LAMA2: variants seen among roughly 807,000 people sequenced by gnomAD.
LAMA2 encodes laminin subunit alpha-2.
Under a neutral mutation model 364.8 loss-of-function variants are expected in LAMA2, and 269 were observed. The observed-to-expected ratio is 0.74, with a 90% confidence interval of 0.67 to 0.82. LAMA2 has a LOEUF of 0.82. Among genes scored for constraint, LAMA2 ranks in the 40% least tolerant of loss-of-function variants. The probability of loss-of-function intolerance (pLI) is 0.00; values close to 1 mark genes in which losing one functional copy is unlikely to be tolerated. For synonymous variants in LAMA2, 1,379 were observed against 1,370.6 expected (o/e 1.01, Z -0.14); for missense variants, 3,807 against 3,873.2 (o/e 0.98, Z 0.45).
intron 11 of LAMA2, 100 bp downstream of exon 11, chr6:129,190,445 T>A: frequency 8.5e-7 from 1 of 1,170,238 alleles, no homozygotes; most frequent in South Asian, 1.3e-5. Context: ...AGTGAACTTC[T>A]ACATAAAGTT....
intron 31 of LAMA2, among the ~76,000 whole-genome samples, chr6:129,350,067 A>T (rs1776772652): frequency 6.6e-6 from 1 of 152,220 alleles, no homozygotes. Context: ...AAAAGTTGCA[A>T]TTAATATCTT....
chr6:129,366,255 A>C lies in LAMA2; in HGVS notation c.4754A>C (p.Asp1585Ala). The C allele has an allele frequency of 6.2e-7, 1 of 1,613,748 alleles. No homozygotes were observed. The highest frequency in any genetic ancestry group is 8.5e-7 in the Non-Finnish European group (1 of 1,179,908). ...GDECTGLLLG[D>A]LARLEQMVMS... ...GAGTGCACTGGCCTTCTTCTCGGTG[A>C]CTTGGCTCGCCTGGAGCAGATGGTC... Residue 1585 changes from aspartate to alanine, a missense_variant, in exon 33 of 65, where the codon GAC becomes GCC. Asp to Ala is a moderately radical substitution (Grantham distance 126, BLOSUM62 -2). Transcript: ENST00000421865.
intron 9 of LAMA2, among the ~76,000 whole-genome samples, chr6:129,173,086 G>A (rs896890068): frequency 1.5e-4 from 23 of 152,318 alleles, no homozygotes; most frequent in African/African-American, 5.5e-4. Flanking sequence ...ATTCCCTAGT[G>A]AGATGAACCC....
chr6:129,457,143 A>G (rs1241362688), intron 48 of LAMA2, among the ~76,000 whole-genome samples: 2 of 152,108 alleles, frequency 1.3e-5, no homozygotes, highest in Non-Finnish European at 2.9e-5. Context: ...GCTTGTCAGA[A>G]TCATCCTGAG....
intron 41 of LAMA2, among the ~76,000 whole-genome samples, chr6:129,436,123 CAG>C (rs1781820077): frequency 1.3e-5 from 2 of 152,144 alleles, no homozygotes; most frequent in African/African-American, 4.8e-5. Context: ...CATTGAAAAA[CAG>C]AAATATATGC....
intron 1 of LAMA2, among the ~76,000 whole-genome samples, chr6:128,968,390 T>C (rs1046178151): frequency 2.0e-5 from 3 of 152,168 alleles, no homozygotes; most frequent in African/African-American, 4.8e-5. Context: ...CCCATTCTTA[T>C]GATGTTTTTA....
intron 6 of LAMA2, among the ~76,000 whole-genome samples, chr6:129,147,430 A>G (rs961161976): frequency 2.0e-5 from 3 of 151,890 alleles, no homozygotes; most frequent in Admixed American, 1.3e-4. Context: ...TGAGTAAAAA[A>G]ATGTGCAGGG....
At chr6:129,265,263 G>A (rs1787426595) in intron 15 of LAMA2, among the ~76,000 whole-genome samples, 3 of 152,136 alleles carry the variant, frequency 2.0e-5, no homozygotes, top group African/African-American at 7.2e-5. Flanking sequence ...TGCAAAGGCA[G>A]CTTTAATTTT....
intron 1 of LAMA2, among the ~76,000 whole-genome samples, chr6:128,961,362 TATATATTAG>T: frequency 1.1e-5 from 1 of 94,090 alleles, no homozygotes; most frequent in African/African-American, 4.1e-5. Context: ...TATATATATA[TATATATTAG>T]TTTATTAAGT....
intron 22 of LAMA2, among the ~76,000 whole-genome samples, chr6:129,310,189 G>A (rs1429365985): frequency 6.6e-6 from 1 of 152,076 alleles, no homozygotes; most frequent in East Asian, 1.9e-4. Flanking sequence ...GTGAGCCACC[G>A]CGCCCGGCCG....
intron 12 of LAMA2, among the ~76,000 whole-genome samples, chr6:129,243,556 A>T (rs1424720137): frequency 6.6e-6 from 1 of 151,960 alleles, no homozygotes; most frequent in East Asian, 1.9e-4. Context: ...ACTGATAAGC[A>T]ATCAGTGTTA....
chr6:129,018,962 A>G (rs1231303216), intron 1 of LAMA2, among the ~76,000 whole-genome samples: 1 of 152,044 alleles, frequency 6.6e-6, no homozygotes, highest in South Asian at 2.1e-4. Flanking sequence ...TCCCACTAAC[A>G]TTTCAAAATA....
At chr6:129,158,101 C>T in intron 8 of LAMA2, 2 of 1,612,208 alleles carry the variant, frequency 1.2e-6, no homozygotes, top group Non-Finnish European at 1.7e-6. Flanking sequence ...TGGCACAGAC[C>T]ACAGGCAGCT....
rs1054889731 is a variant in LAMA2, at chr6:129,288,133, G to A, written c.2749+75G>A. 10 of 1,237,414 alleles carry A rather than the reference G, an allele frequency of 8.1e-6. No homozygotes were observed. In the African/African-American group the frequency reaches 1.2e-4, roughly 15 times the overall value. 76.7% of individuals were successfully genotyped at this position (1,237,414 alleles called of 1,614,324 possible). ...CAAAGTAGCTGATGAGTTCTTGAGT[G>A]TGGATTGAAGAGTAGGAAATTATGT... On this transcript the variant is annotated intron_variant, in intron 19 of 64. Transcript: ENST00000421865.
At chr6:129,308,432 A>G (rs931713640) in intron 22 of LAMA2, among the ~76,000 whole-genome samples, 1 of 152,204 alleles carries the variant, frequency 6.6e-6, no homozygotes, top group African/African-American at 2.4e-5. Context: ...TGAAGTTGAT[A>G]CCTCATGTTC....
intron 1 of LAMA2, among the ~76,000 whole-genome samples, chr6:128,961,655 T>G (rs1261263415): frequency 1.3e-5 from 2 of 151,770 alleles, no homozygotes; most frequent in Non-Finnish European, 2.9e-5. Context: ...GGCGGCTGAT[T>G]AGATTGTGCC....
chr6:129,427,618 A>G (rs1781386279), intron 40 of LAMA2, 134 bp from the exon 41 acceptor site: 1 of 715,914 alleles, frequency 1.4e-6, no homozygotes, highest in South Asian at 1.5e-5. Context: ...ATATGTGCTA[A>G]TAATTTACAA....
chr6:128,986,079 T>C (rs966072486), intron 1 of LAMA2, among the ~76,000 whole-genome samples: 4 of 152,306 alleles, frequency 2.6e-5, no homozygotes, highest in African/African-American at 7.2e-5. Flanking sequence ...AGTTTGCTTT[T>C]TGTATCTCTA....
intron 40 of LAMA2, among the ~76,000 whole-genome samples, chr6:129,425,831 C>T (rs777539498): frequency 7.2e-5 from 11 of 152,024 alleles, no homozygotes; most frequent in Admixed American, 1.3e-4. Flanking sequence ...TCCAGTCTGC[C>T]GCTGATGCTA....
Sources: gnomAD v4.1 joint callset for allele counts (sites outside exome capture counted in the v4.1 genomes callset) on GRCh38, gnomAD v4.1.1 for gene constraint, MANE v1.5 for transcripts, NCBI Gene and HGNC (gene_info 2026-07-23, HGNC 2026-07-21) for gene names.